Variants in LYSMD3 observed in about 807,000 individuals in gnomAD.
The protein encoded by LYSMD3 is LysM domain containing 3.
LYSMD3 carries 13 observed loss-of-function variants against 26.1 expected under a neutral mutation model. The ratio of observed to expected loss-of-function variants is 0.50; its 90% CI spans 0.32 to 0.79. The LOEUF (loss-of-function observed/expected upper bound fraction) is 0.79. Among genes scored for constraint, LYSMD3 ranks in the 30% least tolerant of loss-of-function variants. The pLI is 0.03. For synonymous variants in LYSMD3, 109 were observed against 119.4 expected (o/e 0.91, Z 0.57); for missense variants, 331 against 362.5 (o/e 0.91, Z 0.71).
chr5:90,523,764 T>C (rs1177188346), intron 2 of LYSMD3, among the ~76,000 whole-genome samples: 1 of 152,144 alleles, frequency 6.6e-6, no homozygotes, highest in East Asian at 1.9e-4. Context: ...TGTTAAGTCA[T>C]GAGGAAGAAT....
rs139504895 is a variant in LYSMD3, at chr5:90,524,986, G to A, written c.255+49C>T. 4.3e-5 allele frequency: 61 copies of A among 1,417,532 alleles called. No homozygotes were observed. In the East Asian group the frequency reaches 5.4e-4, roughly 13 times the overall value. The allele number at this position is 1,417,532 out of a possible 1,614,324, so 87.8% of individuals were successfully genotyped here. On this transcript the variant is annotated intron_variant, in intron 2 of 2. Transcript: ENST00000315948. ...GGACACAGAATTTATTTCAGTGTGC[G>A]TAAACAAATAATTTCTTCTGAATTG...
At position 90,518,752 on chromosome 5, in the gene LYSMD3, G is replaced by C; in HGVS notation, c.*67C>G. The C allele has an allele frequency of 7.2e-7, 1 of 1,395,864 alleles. No individual in the cohort carries two copies. Among genetic ancestry groups the C allele is most frequent in the Non-Finnish European group, 9.8e-7 (1 of 1,016,524 alleles). The allele number at this position is 1,395,864 out of a possible 1,614,324, so 86.5% of individuals were successfully genotyped here. A position where few individuals can be genotyped will look rare whatever the true frequency, so the allele number is the denominator to read the frequency against. On this transcript the variant is annotated 3_prime_UTR_variant, in exon 3 of 3. Transcript: ENST00000315948. ...AAATTCTGCCTTTGAAGCTATTATTGGATATAACTGATTCACCACATTCCA... is the reference window on the plus strand; with the variant it reads ...AAATTCTGCCTTTGAAGCTATTATTCGATATAACTGATTCACCACATTCCA...
chr5:90,526,046 T>C (rs1193772007), intron 1 of LYSMD3, among the ~76,000 whole-genome samples: 1 of 152,218 alleles, frequency 6.6e-6, no homozygotes, highest in African/African-American at 2.4e-5. Context: ...CTATATAACT[T>C]ATAGCTCTGA....
At chr5:90,527,532 T>C (rs1278552233) in intron 1 of LYSMD3, among the ~76,000 whole-genome samples, 1 of 151,894 alleles carries the variant, frequency 6.6e-6, no homozygotes, top group Non-Finnish European at 1.5e-5. Context: ...AACCACAAAT[T>C]TTCCACAAGG....
intron 1 of LYSMD3, among the ~76,000 whole-genome samples, chr5:90,528,347 A>AT (rs1360690563): frequency 3.3e-5 from 5 of 152,204 alleles, no homozygotes; most frequent in African/African-American, 1.2e-4. Flanking sequence ...TTTCACCCTA[A>AT]TAATTTGTAC....
At chr5:90,522,494 C>A (rs1206021796) in intron 2 of LYSMD3, among the ~76,000 whole-genome samples, 1 of 152,210 alleles carries the variant, frequency 6.6e-6, no homozygotes, top group Non-Finnish European at 1.5e-5. Flanking sequence ...TCCCCCAATA[C>A]ATTAACACTT....
At chr5:90,528,179 T>C (rs923638199) in intron 1 of LYSMD3, among the ~76,000 whole-genome samples, 3 of 152,196 alleles carry the variant, frequency 2.0e-5, no homozygotes, top group Non-Finnish European at 2.9e-5. Context: ...TTGAATCCTG[T>C]AGATTCCAGG....
At chr5:90,529,318 G>T (rs941537258) in intron 1 of LYSMD3, 130 bp downstream of exon 1, 8 of 435,878 alleles carry the variant, frequency 1.8e-5, no homozygotes, top group African/African-American at 6.1e-5. Context: ...TCCGCCACAC[G>T]GGCCGAGCCC....
chr5:90,521,067 T>C (rs916497780), intron 2 of LYSMD3, among the ~76,000 whole-genome samples: 1 of 151,974 alleles, frequency 6.6e-6, no homozygotes, highest in Non-Finnish European at 1.5e-5. Context: ...CAAAGGAGAT[T>C]ACGAATGGCC....
In LYSMD3 at chr5:90,518,894, T is replaced by C. The variant is rs763645666; in HGVS notation, c.846A>G (p.Ile282Met). ...TATGATCATCTTGTTGGCTGAAATG[T>C]ATTCCTTTAGTTGGCACAATTCCAT... Reference protein sequence around the residue: ...MENGIVPTKGIHFSQQDDHKL... With the variant: ...MENGIVPTKGMHFSQQDDHKL... Residue 282 changes from isoleucine to methionine, a missense_variant, in exon 3 of 3, where the codon ATA (isoleucine) becomes ATG (methionine). Coordinates refer to ENST00000315948, the MANE Select transcript of LYSMD3 (RefSeq NM_198273.2). 2.5e-6 allele frequency: 4 copies of C among 1,614,070 alleles called. No homozygotes were observed. The highest frequency in any genetic ancestry group is 4.5e-5 in the East Asian group (2 of 44,860).
chr5:90,523,924 A>C (rs1753153358), intron 2 of LYSMD3, among the ~76,000 whole-genome samples: 1 of 152,228 alleles, frequency 6.6e-6, no homozygotes, highest in Non-Finnish European at 1.5e-5. Context: ...CTAAGGCCTC[A>C]AGATGGACAT....
intron 1 of LYSMD3, among the ~76,000 whole-genome samples, chr5:90,527,926 C>T (rs1422928191): frequency 2.0e-5 from 3 of 152,182 alleles, no homozygotes; most frequent in African/African-American, 7.2e-5. Flanking sequence ...TCAGATAACA[C>T]AGATAACTAA....
At chr5:90,526,900 T>C (rs770797472) in intron 1 of LYSMD3, 3 of 152,138 alleles carry the variant, frequency 2.0e-5, no homozygotes, top group African/African-American at 4.8e-5. Context: ...GAAAATGAAT[T>C]TGTGAGTACA....
chr5:90,519,638 A>G (rs1753042081), intron 2 of LYSMD3, among the ~76,000 whole-genome samples, 154 bp from the exon 3 acceptor site: 1 of 152,198 alleles, frequency 6.6e-6, no homozygotes, highest in South Asian at 2.1e-4. Context: ...TTATTTGTAG[A>G]TGAGAATTCT....
chr5:90,529,481 G>T lies in LYSMD3; in HGVS notation c.-45C>A. ...GTTAGCAGGGAGCACTCTGCGAGAA[G>T]ATGGCCAAAAGGTCCGCCGCCGCCG... On this transcript the variant is annotated 5_prime_UTR_variant, in exon 1 of 3. Coordinates refer to ENST00000315948, the MANE Select transcript of LYSMD3 (RefSeq NM_198273.2). 2.2e-6 allele frequency: 1 copy of T among 456,684 alleles called. No individual in the cohort carries two copies. Among genetic ancestry groups the T allele is most frequent in the South Asian group, 1.5e-5 (1 of 64,572 alleles). 28.3% of individuals were successfully genotyped at this position (456,684 alleles called of 1,614,324 possible). A position where few individuals can be genotyped will look rare whatever the true frequency, so the allele number is the denominator to read the frequency against.
chr5:90,527,964 A>G (rs1193851156), intron 1 of LYSMD3, among the ~76,000 whole-genome samples: 1 of 152,182 alleles, frequency 6.6e-6, no homozygotes, highest in East Asian at 1.9e-4. Flanking sequence ...GATTATTTCA[A>G]CTGTTCTCTG....
intron 1 of LYSMD3, among the ~76,000 whole-genome samples, chr5:90,526,597 G>A (rs1384498951): frequency 6.6e-6 from 1 of 152,182 alleles, no homozygotes; most frequent in Middle Eastern, 3.2e-3. Flanking sequence ...GAAAGATGGA[G>A]GGAAGTAGTA....
chr5:90,522,672 AC>A (rs1318161422), intron 2 of LYSMD3, among the ~76,000 whole-genome samples: 1 of 152,156 alleles, frequency 6.6e-6, no homozygotes, highest in Non-Finnish European at 1.5e-5. Context: ...TATGGATCAA[AC>A]TTTTCCATTC....
At chr5:90,527,888 A>G (rs1054440792) in intron 1 of LYSMD3, among the ~76,000 whole-genome samples, 22 of 152,202 alleles carry the variant, frequency 1.4e-4, no homozygotes, top group Admixed American at 1.3e-3. Flanking sequence ...GCAATATTAT[A>G]ATGCTTTAAA....
Sources: allele counts gnomAD v4.1 joint callset (sites outside exome capture counted in the v4.1 genomes callset), GRCh38; gene constraint gnomAD v4.1.1; transcripts MANE v1.5; gene names NCBI Gene and HGNC (gene_info 2026-07-23, HGNC 2026-07-21).